The following RPAP3 variants were observed in gnomAD, a reference collection of about 807,000 sequenced individuals.
RPAP3 encodes the protein RNA polymerase II associated protein 3.
A neutral mutation model predicts 88.8 loss-of-function variants in RPAP3; 58 were observed. That is an observed-to-expected ratio of 0.65 (90% CI 0.53 to 0.81). The LOEUF is 0.81. Among genes scored for constraint, RPAP3 ranks in the 40% least tolerant of loss-of-function variants. RPAP3 has a pLI of 0.00. For missense variants in RPAP3, 751 were observed against 764.3 expected (o/e 0.98, Z 0.20); for synonymous variants, 255 against 259.9 (o/e 0.98, Z 0.18).
At chr12:47,672,415 G>C (rs1278834356) in intron 12 of RPAP3, among the ~76,000 whole-genome samples, 1 of 152,138 alleles carries the variant, frequency 6.6e-6, no homozygotes, top group Non-Finnish European at 1.5e-5. Context: ...ACTAAAATTT[G>C]TTTCACCTGA....
Position 47,688,017 on chromosome 12 carries a change from GT to G in RPAP3, c.739-17del. 1 of 1,593,376 alleles carries G rather than the reference GT, an allele frequency of 6.3e-7. No individual in the cohort carries two copies. Among genetic ancestry groups the G allele is most frequent in the Non-Finnish European group, 8.5e-7 (1 of 1,170,284 alleles). On this transcript the variant is annotated splice_polypyrimidine_tract_variant and intron_variant, in intron 7 of 16. Coordinates refer to ENST00000005386, the MANE Select transcript of RPAP3 (RefSeq NM_024604.3). ...ATGCTAAAGCCTAGGAGACATAGCAGTCAGCTAAAATAAAACAAAGTAATGC... is the reference window on the plus strand; with the variant it reads ...ATGCTAAAGCCTAGGAGACATAGCAGCAGCTAAAATAAAACAAAGTAATGC...
intron 12 of RPAP3, among the ~76,000 whole-genome samples, chr12:47,676,320 C>T (rs1461506945): frequency 6.6e-6 from 1 of 152,154 alleles, no homozygotes; most frequent in African/African-American, 2.4e-5. Flanking sequence ...GACACCCTAA[C>T]ATCACAATTA....
In RPAP3 at chr12:47,697,673, G is replaced by C. The variant is rs757260445; in HGVS notation, c.341C>G (p.Ser114Cys). The C allele has an allele frequency of 5.0e-6, 8 of 1,609,962 alleles. 1 individual carries two copies. Among genetic ancestry groups the C allele is most frequent in the Non-Finnish European group, 6.8e-6 (8 of 1,177,852 alleles). ...ELDKDDSTHESLSQESESEED... is the reference protein window; with the variant it reads ...ELDKDDSTHECLSQESESEED... ...TTCCGACTCTGATTCTTGAGACAGA[G>C]ACTCATGGGTACTATCGTCTTTGTC... Residue 114 changes from serine to cysteine, a missense_variant, in exon 4 of 17, where the codon TCT becomes TGT. Physicochemically the swap from Ser to Cys is moderately radical, Grantham distance 112 (BLOSUM62 -1). Transcript: ENST00000005386.
intron 5 of RPAP3, 66 bp downstream of exon 5, chr12:47,696,207 CTTT>C: frequency 2.3e-6 from 3 of 1,301,160 alleles, no homozygotes; most frequent in Non-Finnish European, 3.0e-6. Flanking sequence ...TTATTCCACA[CTTT>C]TTTTTAATAA....
At chr12:47,666,682 C>T (rs1254201608) in intron 16 of RPAP3, among the ~76,000 whole-genome samples, 4 of 152,274 alleles carry the variant, frequency 2.6e-5, no homozygotes, top group African/African-American at 7.2e-5. Context: ...GGCTTCCTAG[C>T]TATGTGACCT....
chr12:47,702,856 T>G lies in RPAP3; in HGVS notation c.-6-10A>C. 6.2e-7 allele frequency: 1 copy of G among 1,605,212 alleles called. No homozygotes were observed. The highest frequency in any genetic ancestry group is 8.5e-7 in the Non-Finnish European group (1 of 1,176,824). On this transcript the variant is annotated splice_polypyrimidine_tract_variant and intron_variant, in intron 1 of 16. Transcript: ENST00000005386. ...CTGAAGTCATTATGGTCTGCAGAGTTTTGAACAACCAACCTCTGATAAGAA... is the reference window on the plus strand; with the variant it reads ...CTGAAGTCATTATGGTCTGCAGAGTGTTGAACAACCAACCTCTGATAAGAA...
At chr12:47,673,093 AACAACTAGATTTATGCCTAGCACAC>A (rs1939033474) in intron 12 of RPAP3, among the ~76,000 whole-genome samples, 1 of 152,186 alleles carries the variant, frequency 6.6e-6, no homozygotes, top group South Asian at 2.1e-4. Flanking sequence ...AATGTGTGAA[AACAACTAGATTTATGCCTAGCACAC>A]ACAACACACA....
intron 5 of RPAP3, among the ~76,000 whole-genome samples, chr12:47,691,008 A>G (rs1031721774): frequency 5.3e-5 from 8 of 152,248 alleles, no homozygotes; most frequent in African/African-American, 1.7e-4. Context: ...AAAAAATGCT[A>G]ATAAAATCTG....
rs1027249990 is a variant in RPAP3 at position 47,679,735 on chromosome 12, T to C, written c.1154A>G (p.Gln385Arg). Residue 385 changes from glutamine (Q) to arginine (R), a missense_variant, in exon 11 of 17, where the codon CAA becomes CGA. Transcript: ENST00000005386. ...AATTTTGGAGAGTTCAGTTACTGCT[T>C]GCTTATTTCCAGGTTCCAGAAGTAA... ...TVLLLEPGNK[Q>R]AVTELSKIKK... 6.2e-7 allele frequency: 1 copy of C among 1,607,352 alleles called. No individual in the cohort carries two copies. Among genetic ancestry groups the C allele is most frequent in the Non-Finnish European group, 8.5e-7 (1 of 1,176,322 alleles).
At position 47,670,149 on chromosome 12, in the gene RPAP3, T is replaced by TG; in HGVS notation, c.1483_1484insC (p.Lys495ThrfsTer10). The TG allele has an allele frequency of 6.2e-7, 1 of 1,613,246 alleles. No homozygotes were observed. Among genetic ancestry groups the TG allele is most frequent in the Non-Finnish European group, 8.5e-7 (1 of 1,179,232 alleles). On this transcript the variant is annotated frameshift_variant, in exon 13 of 17. Coordinates refer to ENST00000005386, the MANE Select transcript of RPAP3 (RefSeq NM_024604.3). LOFTEE classifies it high-confidence loss of function. ...ACTGACTTCTTCTATTTTCAATACT[T>TG]TTGCTCTTGGAGTATCACTTGTGGG...
chr12:47,670,256 C>CTCTGG lies in RPAP3; in HGVS notation c.1372_1376dup (p.Glu459AspfsTer9). ...CATTTGCTAGATTAATAGGATTATTCTCTGGAGCAGCAGCAGTAGTGCTAT... is the reference window on the plus strand; with the variant it reads ...CATTTGCTAGATTAATAGGATTATTCTCTGGTCTGGAGCAGCAGCAGTAGTGCTAT... On this transcript the variant is annotated frameshift_variant, in exon 13 of 17. Transcript: ENST00000005386. LOFTEE classifies it high-confidence loss of function. 1 of 1,613,620 alleles carries CTCTGG rather than the reference C, an allele frequency of 6.2e-7. No homozygotes were observed. The highest frequency in any genetic ancestry group is 8.5e-7 in the Non-Finnish European group (1 of 1,179,666).
At chr12:47,705,289 T>C (rs182520805) in intron 1 of RPAP3, among the ~76,000 whole-genome samples, 127 of 152,310 alleles carry the variant, frequency 8.3e-4, no homozygotes, top group Middle Eastern at 3.4e-3. Context: ...CAGATGCAGA[T>C]AGGTCTTCTG....
At chr12:47,705,685 G>C (rs1483178108) in intron 1 of RPAP3, among the ~76,000 whole-genome samples, 1 of 151,278 alleles carries the variant, frequency 6.6e-6, no homozygotes, top group East Asian at 1.9e-4. Context: ...CTGCCTTCCC[G>C]AGCACTGCAA....
chr12:47,699,709 C>G (rs1451890469), intron 3 of RPAP3: 2 of 152,112 alleles, frequency 1.3e-5, no homozygotes, highest in African/African-American at 2.4e-5. Context: ...TTCATCATAG[C>G]CCCAAACCGC....
At chr12:47,664,376 C>T (rs929714013) in intron 16 of RPAP3, among the ~76,000 whole-genome samples, 7 of 151,980 alleles carry the variant, frequency 4.6e-5, no homozygotes, top group East Asian at 3.9e-4. Flanking sequence ...GGCGACAGAG[C>T]GAGACTCCAT....
chr12:47,688,138 T>G, intron 7 of RPAP3, 137 bp from the exon 8 acceptor site: 1 of 759,792 alleles, frequency 1.3e-6, no homozygotes, highest in Non-Finnish European at 1.9e-6. Context: ...TTTTCTGCTC[T>G]AATTCAAAAT....
intron 2 of RPAP3, among the ~76,000 whole-genome samples, chr12:47,702,048 A>G (rs1939664064): frequency 6.6e-6 from 1 of 152,194 alleles, no homozygotes; most frequent in Non-Finnish European, 1.5e-5. Flanking sequence ...TTATGCCAAT[A>G]TGGTATGTTA....
intron 5 of RPAP3, among the ~76,000 whole-genome samples, chr12:47,695,490 G>A (rs1939507770): frequency 6.6e-6 from 1 of 152,110 alleles, no homozygotes; most frequent in African/African-American, 2.4e-5. Context: ...ATACAGAAAG[G>A]AGCATCAAGG....
In RPAP3 at chr12:47,688,019, C is replaced by T. The variant is rs765435375; in HGVS notation, c.739-18G>A. ...GCTAAAGCCTAGGAGACATAGCAGT[C>T]AGCTAAAATAAAACAAAGTAATGCA... On this transcript the variant is annotated intron_variant, in intron 7 of 16. Coordinates refer to ENST00000005386, the MANE Select transcript of RPAP3 (RefSeq NM_024604.3). 44 of 1,588,984 alleles carry T rather than the reference C, an allele frequency of 2.8e-5. No homozygotes were observed. The Admixed American group carries it at 5.5e-4, about 20-fold the overall frequency.
Sources: allele counts gnomAD v4.1 joint callset (sites outside exome capture counted in the v4.1 genomes callset), GRCh38; gene constraint gnomAD v4.1.1; transcripts MANE v1.5; gene names NCBI Gene and HGNC (gene_info 2026-07-23, HGNC 2026-07-21).